SAMSN1: variants seen among roughly 807,000 people sequenced by gnomAD.
SAMSN1 encodes the protein SAM domain-containing protein SAMSN-1.
In SAMSN1, 31 loss-of-function variants were observed where a neutral mutation model predicts 42.0. The observed-to-expected ratio is 0.74, with a 90% CI of 0.55 to 1.00. The LOEUF (loss-of-function observed/expected upper bound fraction) is 1.00, where lower values mean the gene tolerates loss of function less well. Among genes scored for constraint, SAMSN1 ranks in the 50% least tolerant of loss-of-function variants. The probability of loss-of-function intolerance (pLI) is 0.00; values close to 1 mark genes in which losing one functional copy is unlikely to be tolerated. For missense variants in SAMSN1, 464 were observed against 439.4 expected, an observed-to-expected ratio of 1.06 and a Z score of -0.50; for synonymous variants, 178 against 151.9, an observed-to-expected ratio of 1.17 and a Z score of -1.26.
At chr21:14,499,659 G>T (rs888159770) in intron 6 of SAMSN1, among the ~76,000 whole-genome samples, 1 of 152,006 alleles carries the variant, frequency 6.6e-6, no homozygotes, top group African/African-American at 2.4e-5. Flanking sequence ...ATAGACCTTG[G>T]TTTTCTCACA....
intron 7 of SAMSN1, among the ~76,000 whole-genome samples, chr21:14,589,956 G>A (rs899166415): frequency 6.6e-6 from 1 of 151,912 alleles, no homozygotes; most frequent in Non-Finnish European, 1.5e-5. Flanking sequence ...TTAATATTTT[G>A]GTTTATTTTT....
At chr21:14,632,170 C>T (rs1388922378) in intron 2 of SAMSN1, among the ~76,000 whole-genome samples, 1 of 151,730 alleles carries the variant, frequency 6.6e-6, no homozygotes, top group Non-Finnish European at 1.5e-5. Flanking sequence ...GTGGTAGTAG[C>T]TGCTTGATTT....
chr21:14,659,075 T>A (rs116103296), upstream of SAMSN1, among the ~76,000 whole-genome samples: 2 of 151,892 alleles, frequency 1.3e-5, no homozygotes, highest in Non-Finnish European at 2.9e-5. Flanking sequence ...TGAAAATGCA[T>A]TGGAAACAAC....
At chr21:14,516,201 T>C (rs537310708) in intron 3 of SAMSN1, among the ~76,000 whole-genome samples, 2 of 152,310 alleles carry the variant, frequency 1.3e-5, no homozygotes, top group South Asian at 4.1e-4. Context: ...GCATTATTCA[T>C]AATAGCCAAA....
At chr21:14,628,296 C>CAAAGAAAT (rs1452098941) in intron 2 of SAMSN1, among the ~76,000 whole-genome samples, 1 of 151,676 alleles carries the variant, frequency 6.6e-6, no homozygotes, top group African/African-American at 2.4e-5. Flanking sequence ...GTTACCAACC[C>CAAAGAAAT]AAAGAAATGA....
At chr21:14,639,916 T>G (rs919471819) in intron 2 of SAMSN1, among the ~76,000 whole-genome samples, 2 of 152,228 alleles carry the variant, frequency 1.3e-5, no homozygotes, top group African/African-American at 4.8e-5. Context: ...TTGGTTTCTC[T>G]TTGGACGAGC....
intron 1 of SAMSN1, among the ~76,000 whole-genome samples, chr21:14,655,007 T>A (rs1445875917): frequency 6.6e-6 from 1 of 151,812 alleles, no homozygotes; most frequent in Non-Finnish European, 1.5e-5. Context: ...GAAATTAAAA[T>A]CATAAAACAG....
At position 14,577,334 on chromosome 21, in the gene SAMSN1, C is replaced by T. The variant is rs570527833; in HGVS notation, c.261+4802G>A. 4.1e-4 allele frequency among the ~76,000 whole-genome samples: 55 copies of T among 133,790 alleles called. 2 individuals carry two copies. Among genetic ancestry groups the T allele is most frequent in the African/African-American group, 1.4e-3 (51 of 35,502 alleles). The allele number at this position is 133,790 out of a possible 152,430, so 87.8% of individuals were successfully genotyped here. A position where few individuals can be genotyped will look rare whatever the true frequency, so the allele number is the denominator to read the frequency against. On this transcript the variant is annotated intron_variant, in intron 2 of 8. Transcript: ENST00000285670. ...TTTACTGTGTTAGCCAGGATGGTCT[C>T]GATCTCCTGACCTCATGATCCGCCT...
chr21:14,613,743 C>T (rs952079771), intron 3 of SAMSN1, among the ~76,000 whole-genome samples: 9 of 151,796 alleles, frequency 5.9e-5, no homozygotes, highest in Admixed American at 2.0e-4. Flanking sequence ...TGAGAGTAGA[C>T]GTAAAGCTTA....
rs976227158 is a variant in SAMSN1 at position 14,485,261 on chromosome 21, A to G, written c.*651T>C. 6.6e-6 allele frequency: 1 copy of G among 152,246 alleles called. No individual in the cohort carries two copies. The highest frequency in any genetic ancestry group is 2.4e-5 in the African/African-American group (1 of 41,466). The allele number at this position is 152,246 out of a possible 1,614,324, so 9.4% of individuals were successfully genotyped here. A position where few individuals can be genotyped will look rare whatever the true frequency, so the allele number is the denominator to read the frequency against. ...GCAAATAGTTCTTTTTATTATTAAC[A>G]TTAGGGTATGTCAAATTTTAAAATA... On this transcript the variant is annotated 3_prime_UTR_variant, in exon 8 of 8. Transcript: ENST00000400566.
chr21:14,631,339 C>A (rs1433906238), intron 2 of SAMSN1, among the ~76,000 whole-genome samples: 2 of 152,170 alleles, frequency 1.3e-5, no homozygotes, highest in Admixed American at 1.3e-4. Flanking sequence ...AAATAGTTTT[C>A]TCATTTTATA....
intron 1 of SAMSN1, among the ~76,000 whole-genome samples, chr21:14,649,726 T>C (rs969182158): frequency 6.0e-5 from 9 of 149,354 alleles, no homozygotes; most frequent in African/African-American, 2.3e-4. Context: ...GCCAAGATCA[T>C]ACCACTGCAC....
intron 5 of SAMSN1, among the ~76,000 whole-genome samples, chr21:14,605,301 T>G (rs1444256230): frequency 4.6e-5 from 7 of 152,200 alleles, no homozygotes; most frequent in African/African-American, 1.4e-4. Context: ...CAGAAAGCCT[T>G]CCTCGGCTAT....
intron 3 of SAMSN1, among the ~76,000 whole-genome samples, chr21:14,516,607 G>C (rs1013360719): frequency 6.6e-6 from 1 of 152,110 alleles, no homozygotes; most frequent in African/African-American, 2.4e-5. Context: ...GGCCAGGCTG[G>C]TCTTGAACTC....
In SAMSN1 at chr21:14,545,546, TTA is replaced by T. The variant is rs200164754; in HGVS notation, c.57+657_57+658del. ...TTATCCCATGTTATACTTTTTTTTTTTAAAAGTAGCACTTATTGCCAAGACAA... is the reference window on the plus strand; with the variant it reads ...TTATCCCATGTTATACTTTTTTTTTTAAAGTAGCACTTATTGCCAAGACAA... On this transcript the variant is annotated intron_variant, in intron 1 of 7. Coordinates refer to ENST00000400566, the MANE Select transcript of SAMSN1 (RefSeq NM_022136.5). Among the ~76,000 whole-genome samples, 145 of 133,778 alleles carry T rather than the reference TTA, an allele frequency of 1.1e-3. No individual in the cohort carries two copies. The Middle Eastern group carries it at 0.016, about 15-fold the overall frequency. The allele number at this position is 133,778 out of a possible 152,430, so 87.8% of individuals were successfully genotyped here.
At chr21:14,595,322 G>A (rs1982227119) in intron 6 of SAMSN1, among the ~76,000 whole-genome samples, 1 of 152,076 alleles carries the variant, frequency 6.6e-6, no homozygotes, top group African/African-American at 2.4e-5. Flanking sequence ...TTATAAAAGT[G>A]GTTGAGGGGA....
At chr21:14,609,511 G>A in exon 5 of SAMSN1, 1 of 718,018 alleles carries the variant, frequency 1.4e-6, no homozygotes, top group Non-Finnish European at 2.6e-6. Flanking sequence ...TCTGATGTGG[G>A]AATCATTCTT....
chr21:14,560,846 T>C (rs1472611758), intron 2 of SAMSN1, among the ~76,000 whole-genome samples: 1 of 152,194 alleles, frequency 6.6e-6, no homozygotes, highest in East Asian at 1.9e-4. Flanking sequence ...AGTATATTAG[T>C]TTTCCAAGGC....
chr21:14,644,379 C>T (rs541769347), intron 1 of SAMSN1, among the ~76,000 whole-genome samples: 46 of 152,148 alleles, frequency 3.0e-4, no homozygotes, highest in African/African-American at 8.0e-4. Flanking sequence ...ACCCCCCTTC[C>T]GGGCCCTAGC....
Sources: gnomAD v4.1 joint callset for allele counts (sites outside exome capture counted in the v4.1 genomes callset) on GRCh38, gnomAD v4.1.1 for gene constraint, MANE v1.5 for transcripts, NCBI Gene and HGNC (gene_info 2026-07-23, HGNC 2026-07-21) for gene names.